FRMD4A: variants seen among roughly 807,000 people sequenced by gnomAD.
The protein encoded by FRMD4A is FERM domain-containing protein 4A.
In FRMD4A, 29 loss-of-function variants were observed where a neutral mutation model predicts 129.1. The ratio of observed to expected loss-of-function variants is 0.22; its 90% CI spans 0.17 to 0.31. The LOEUF (loss-of-function observed/expected upper bound fraction) is 0.31. Ranked by LOEUF, FRMD4A falls within the 10% of genes least tolerant of loss-of-function variation. FRMD4A has a pLI of 1.00. For missense variants in FRMD4A, 1,272 were observed against 1,375.8 expected, an observed-to-expected ratio of 0.92 and a Z score of 1.19; for synonymous variants, 634 against 571.6, an observed-to-expected ratio of 1.11 and a Z score of -1.56.
Position 13,783,010 on chromosome 10 carries a change from A to C in FRMD4A, c.300-4T>G, listed in dbSNP as rs2092773524. The C allele has an allele frequency of 1.7e-6, 2 of 1,180,436 alleles. No homozygotes were observed. Among genetic ancestry groups the C allele is most frequent in the Admixed American group, 1.7e-5 (1 of 59,508 alleles). 73.1% of individuals were successfully genotyped at this position (1,180,436 alleles called of 1,614,324 possible). On this transcript the variant is annotated splice_polypyrimidine_tract_variant and splice_region_variant and intron_variant, in intron 5 of 24. Transcript: ENST00000357447. ...TGAAATGCTTTCTATATAGAACCTG[A>C]AAGAGAAAAATGGTGCGTGAACCAC...
At chr10:14,301,249 C>T (rs1846175674) in intron 2 of FRMD4A, among the ~76,000 whole-genome samples, 1 of 152,202 alleles carries the variant, frequency 6.6e-6, no homozygotes, top group Non-Finnish European at 1.5e-5. Flanking sequence ...TGCCATTAAT[C>T]TGTATCGTTC....
At chr10:13,663,381 C>G in intron 19 of FRMD4A, 72 bp downstream of exon 19, 13 of 875,210 alleles carry the variant, frequency 1.5e-5, no homozygotes, top group Non-Finnish European at 2.3e-5. Context: ...AAGGCAATCC[C>G]CAGACTACAT....
chr10:14,231,641 C>T lies in FRMD4A; in HGVS notation c.45+98417G>A, dbSNP rs117491647. ...GATTACAGGCGTGAGCCACTGTGCC[C>T]GGCCTCTCATTGTGGTTTTGACTTG... is the stretch of plus-strand genomic sequence containing the variant. On this transcript the variant is annotated intron_variant, in intron 2 of 24. Transcript: ENST00000357447. Among the ~76,000 whole-genome samples the T allele has an allele frequency of 7.1e-3, 1,085 of 152,198 alleles. 35 individuals are homozygous for T. The highest frequency in any genetic ancestry group is 0.059 in the South Asian group (285 of 4,822).
chr10:13,916,528 G>T (rs1189207846), intron 2 of FRMD4A, among the ~76,000 whole-genome samples: 2 of 152,142 alleles, frequency 1.3e-5, no homozygotes, highest in Non-Finnish European at 2.9e-5. Context: ...ATTTCACCTA[G>T]TCCCATAATG....
Position 13,674,992 on chromosome 10 carries a change from G to A in FRMD4A, c.1170C>T (p.Ala390=), listed in dbSNP as rs749036306. The change falls in exon 16 of 25, where the codon GCC becomes GCT. Residue 390 remains alanine, a synonymous_variant. Coordinates refer to ENST00000357447, the MANE Select transcript of FRMD4A (RefSeq NM_018027.5). The stretch of plus-strand genomic sequence containing the variant: ...CCAGAGCTTCCTGCCTGGACTTCAA[G>A]GCAGCCAGCATGTCCTTCTTGGCCG... The part of the protein sequence containing the change: ...SQSAKKDMLA[A]LKSRQEALEE... The A allele has an allele frequency of 1.9e-6, 3 of 1,613,798 alleles. No homozygotes were observed. The highest frequency in any genetic ancestry group is 4.5e-5 in the East Asian group (2 of 44,900).
At chr10:13,904,307 C>T (rs1260456268) in intron 2 of FRMD4A, among the ~76,000 whole-genome samples, 1 of 152,206 alleles carries the variant, frequency 6.6e-6, no homozygotes, top group Non-Finnish European at 1.5e-5. Context: ...CACGGCCGTA[C>T]ATCTGCGCGG....
At chr10:13,946,809 T>C (rs1434133663) in intron 2 of FRMD4A, among the ~76,000 whole-genome samples, 1 of 152,194 alleles carries the variant, frequency 6.6e-6, no homozygotes, top group Non-Finnish European at 1.5e-5. Context: ...TCTGTCTCCA[T>C]GTGTCTATCT....
At chr10:13,718,748 C>T (rs2089123725) in intron 12 of FRMD4A, among the ~76,000 whole-genome samples, 1 of 152,212 alleles carries the variant, frequency 6.6e-6, no homozygotes. Flanking sequence ...ACTTTCTTTT[C>T]ACCAGGGCTA....
At chr10:13,727,571 C>T (rs1459122145) in intron 12 of FRMD4A, among the ~76,000 whole-genome samples, 3 of 152,186 alleles carry the variant, frequency 2.0e-5, no homozygotes, top group African/African-American at 7.2e-5. Context: ...CTGCCTGGTT[C>T]TGCTTCCTTT....
intron 9 of FRMD4A, among the ~76,000 whole-genome samples, chr10:13,746,648 C>T (rs758785980): frequency 6.6e-6 from 1 of 152,214 alleles, no homozygotes; most frequent in Non-Finnish European, 1.5e-5. Flanking sequence ...AAAGCACTTA[C>T]ACAAGTCACG....
intron 4 of FRMD4A, among the ~76,000 whole-genome samples, chr10:13,803,425 G>A (rs1414327545): frequency 6.6e-6 from 1 of 152,144 alleles, no homozygotes; most frequent in Non-Finnish European, 1.5e-5. Flanking sequence ...TTGAACCCCT[G>A]GGCTCAAGTG....
chr10:13,765,928 C>T (rs975358884), intron 6 of FRMD4A, among the ~76,000 whole-genome samples: 1 of 152,194 alleles, frequency 6.6e-6, no homozygotes, highest in Non-Finnish European at 1.5e-5. Flanking sequence ...AACATTTACA[C>T]CTTATGTTAC....
At chr10:13,954,625 C>A (rs1250354393) in intron 2 of FRMD4A, among the ~76,000 whole-genome samples, 1 of 152,054 alleles carries the variant, frequency 6.6e-6, no homozygotes, top group Non-Finnish European at 1.5e-5. Context: ...GGAGAAATTC[C>A]CCTTCCAGCA....
intron 2 of FRMD4A, among the ~76,000 whole-genome samples, chr10:14,113,855 C>T (rs1318388603): frequency 6.6e-6 from 1 of 152,130 alleles, no homozygotes; most frequent in Non-Finnish European, 1.5e-5. Context: ...CAGCAGGTTC[C>T]TATTATTGAA....
chr10:13,913,644 T>C (rs748382800), intron 2 of FRMD4A, among the ~76,000 whole-genome samples: 1 of 152,134 alleles, frequency 6.6e-6, no homozygotes, highest in Non-Finnish European at 1.5e-5. Context: ...ACTGAGCTCC[T>C]GCAACATGCC....
At chr10:13,671,485 A>T (rs2083507883) in intron 16 of FRMD4A, among the ~76,000 whole-genome samples, 1 of 152,180 alleles carries the variant, frequency 6.6e-6, no homozygotes, top group Non-Finnish European at 1.5e-5. Flanking sequence ...TAGAAACTGA[A>T]CATATAATCC....
At chr10:14,247,591 G>C (rs1051078893) in intron 2 of FRMD4A, among the ~76,000 whole-genome samples, 1 of 152,050 alleles carries the variant, frequency 6.6e-6, no homozygotes, top group Non-Finnish European at 1.5e-5. Flanking sequence ...GTGGCCCAAA[G>C]ATCCATATGT....
chr10:13,755,727 C>T (rs1237060821), intron 8 of FRMD4A, among the ~76,000 whole-genome samples: 1 of 152,230 alleles, frequency 6.6e-6, no homozygotes, highest in Non-Finnish European at 1.5e-5. Flanking sequence ...AACTTGCAGA[C>T]TGACACCACA....
intron 12 of FRMD4A, chr10:13,707,482 C>A: frequency 9.8e-7 from 1 of 1,015,662 alleles, no homozygotes; most frequent in Non-Finnish European, 1.2e-6. Flanking sequence ...AGGGACCCAG[C>A]AGGGAAGGCG....
Sources: allele counts gnomAD v4.1 joint callset (sites outside exome capture counted in the v4.1 genomes callset), GRCh38; gene constraint gnomAD v4.1.1; transcripts MANE v1.5; gene names NCBI Gene and HGNC (gene_info 2026-07-23, HGNC 2026-07-21).